PPARGC1A: variants seen among roughly 807,000 people sequenced by gnomAD.
The protein encoded by PPARGC1A is peroxisome proliferator-activated receptor gamma coactivator 1-alpha.
In PPARGC1A, 25 loss-of-function variants were observed where a neutral mutation model predicts 88.7. The ratio of observed to expected loss-of-function variants is 0.28; its 90% CI spans 0.21 to 0.39. The LOEUF (loss-of-function observed/expected upper bound fraction) is 0.39, where lower values mean the gene tolerates loss of function less well. PPARGC1A is among the 10% of genes least tolerant of loss of function. The pLI is 1.00. For missense variants in PPARGC1A, 880 were observed against 968.7 expected (o/e 0.91, Z 1.22); for synonymous variants, 363 against 355.6 (o/e 1.02, Z -0.24).
chr4:24,052,654 AT>A, the PPARGC1A span, among the ~76,000 whole-genome samples: 15 of 150,570 alleles, frequency 1.0e-4, no homozygotes, highest in South Asian at 8.4e-4. Context: ...AAAAAAAAAA[AT>A]ATTCCCTGGA....
chr4:24,377,348 T>C, the PPARGC1A span, among the ~76,000 whole-genome samples: 2 of 152,134 alleles, frequency 1.3e-5, no homozygotes, highest in East Asian at 3.9e-4. Context: ...TAGGCACAAG[T>C]AGAAGCCAAA....
the PPARGC1A span, among the ~76,000 whole-genome samples, chr4:24,227,975 A>T: frequency 6.6e-6 from 1 of 152,046 alleles, no homozygotes; most frequent in Admixed American, 6.6e-5. Context: ...TCCCCATCCG[A>T]TTATAGTGGA....
the PPARGC1A span, among the ~76,000 whole-genome samples, chr4:24,037,387 A>C: frequency 6.6e-6 from 1 of 152,184 alleles, no homozygotes; most frequent in Non-Finnish European, 1.5e-5. Flanking sequence ...CATTAATTAC[A>C]TTTGAGTTAG....
At chr4:24,389,221 T>A in the PPARGC1A span, among the ~76,000 whole-genome samples, 4 of 152,208 alleles carry the variant, frequency 2.6e-5, no homozygotes, top group African/African-American at 9.6e-5. Context: ...AGTCTGTTGT[T>A]AACAGGCCTT....
intron 5 of PPARGC1A, among the ~76,000 whole-genome samples, chr4:23,825,751 G>A (rs1456652058): frequency 6.6e-6 from 1 of 152,082 alleles, no homozygotes. Flanking sequence ...CTACACAGTT[G>A]AATGGTATAT....
the PPARGC1A span, among the ~76,000 whole-genome samples, chr4:24,205,609 C>T: frequency 6.6e-6 from 1 of 152,034 alleles, no homozygotes; most frequent in African/African-American, 2.4e-5. Context: ...AAATGTGCAC[C>T]TTTGACCTGC....
chr4:24,208,682 A>AAAATATATAT, the PPARGC1A span, among the ~76,000 whole-genome samples: 18 of 134,974 alleles, frequency 1.3e-4, 1 homozygote, highest in African/African-American at 4.8e-4. Flanking sequence ...TCAGAAAAAA[A>AAAATATATAT]ATATATATAT....
the PPARGC1A span, among the ~76,000 whole-genome samples, chr4:24,190,002 C>A: frequency 3.9e-5 from 6 of 152,272 alleles, no homozygotes; most frequent in African/African-American, 1.4e-4. Flanking sequence ...TAAATAAATT[C>A]TTGCTAACGT....
the PPARGC1A span, among the ~76,000 whole-genome samples, chr4:24,163,144 C>T: frequency 6.8e-6 from 1 of 147,654 alleles, no homozygotes; most frequent in Middle Eastern, 3.4e-3. Context: ...GATTTGAATG[C>T]TCCCCAAGCC....
At chr4:24,453,381 T>A in the PPARGC1A span, among the ~76,000 whole-genome samples, 1 of 152,226 alleles carries the variant, frequency 6.6e-6, no homozygotes, top group Non-Finnish European at 1.5e-5. Context: ...GTAAGGGAGT[T>A]CTCATAAAGG....
In PPARGC1A at chr4:23,831,653, C is replaced by T. The variant is rs747323735; in HGVS notation, c.333G>A (p.Ala111=). ...CAGTGGTCACGTCTCCATCTGTCAG[C>T]GCATCAAATGAGGGCAATCCGTCTT... The part of the protein sequence containing the change: ...VDEDGLPSFD[A]LTDGDVTTDN... The change falls in exon 3 of 13, where the codon GCG becomes GCA. Residue 111 remains alanine (A), a synonymous_variant. Transcript: ENST00000264867. The T allele has an allele frequency of 3.0e-5, 48 of 1,613,844 alleles. No individual in the cohort carries two copies. The highest frequency in any genetic ancestry group is 5.5e-5 in the South Asian group (5 of 91,070).
chr4:24,223,015 T>A, the PPARGC1A span, among the ~76,000 whole-genome samples: 8 of 152,138 alleles, frequency 5.3e-5, no homozygotes, highest in Admixed American at 4.6e-4. Context: ...TAGGCACATA[T>A]ACTCAAGCAT....
At chr4:24,088,232 G>A in the PPARGC1A span, among the ~76,000 whole-genome samples, 4 of 152,094 alleles carry the variant, frequency 2.6e-5, no homozygotes, top group Non-Finnish European at 5.9e-5. Flanking sequence ...GTGTACACCT[G>A]TAGTCCCAAC....
the PPARGC1A span, among the ~76,000 whole-genome samples, chr4:24,468,774 T>C: frequency 1.3e-5 from 2 of 150,292 alleles, no homozygotes; most frequent in South Asian, 2.1e-4. Context: ...TCTTCATTAT[T>C]TTTTTTTTAC....
intron 5 of PPARGC1A, among the ~76,000 whole-genome samples, chr4:23,824,743 A>G (rs927822695): frequency 6.6e-6 from 1 of 152,126 alleles, no homozygotes; most frequent in African/African-American, 2.4e-5. Flanking sequence ...AATTTTTCCA[A>G]AAATGAACCC....
At chr4:23,810,697 T>A (rs565559349) in intron 10 of PPARGC1A, among the ~76,000 whole-genome samples, 1 of 152,222 alleles carries the variant, frequency 6.6e-6, no homozygotes, top group Non-Finnish European at 1.5e-5. Flanking sequence ...AAATTTATGA[T>A]GAAACTATTA....
At chr4:24,283,909 A>G in the PPARGC1A span, among the ~76,000 whole-genome samples, 1 of 152,222 alleles carries the variant, frequency 6.6e-6, no homozygotes, top group Non-Finnish European at 1.5e-5. Flanking sequence ...GGGCTCAAAT[A>G]AGCATTGCAT....
chr4:24,073,412 A>C, the PPARGC1A span, among the ~76,000 whole-genome samples: 1 of 152,184 alleles, frequency 6.6e-6, no homozygotes, highest in Admixed American at 6.5e-5. Context: ...CTTGAAATAC[A>C]CATACAAACT....
chr4:24,435,917 G>A, the PPARGC1A span, among the ~76,000 whole-genome samples: 28 of 152,244 alleles, frequency 1.8e-4, no homozygotes, highest in Admixed American at 9.8e-4. Flanking sequence ...GGCCTCAGTC[G>A]CTAATACTGA....
Sources: allele counts gnomAD v4.1 joint callset (sites outside exome capture counted in the v4.1 genomes callset), GRCh38; gene constraint gnomAD v4.1.1; transcripts MANE v1.5; gene names NCBI Gene and HGNC (gene_info 2026-07-23, HGNC 2026-07-21).